LGSN: variants seen among roughly 807,000 people sequenced by gnomAD.
The protein encoded by LGSN is lengsin, lens protein with glutamine synthetase domain, also known as lengsin.
In LGSN, 21 loss-of-function variants were observed where a neutral mutation model predicts 19.5. That is an observed-to-expected ratio of 1.07 (90% CI 0.76 to 1.55). The LOEUF (loss-of-function observed/expected upper bound fraction) is 1.55. Ranked by LOEUF, LGSN falls within the 40% of genes most tolerant of loss-of-function variation. LGSN has a pLI of 0.00. For synonymous variants in LGSN, 257 were observed against 215.6 expected, an observed-to-expected ratio of 1.19 and a Z score of -1.68; for missense variants, 673 against 608.5, an observed-to-expected ratio of 1.11 and a Z score of -1.12.
the LGSN span, among the ~76,000 whole-genome samples, chr6:63,563,504 C>T: frequency 6.6e-6 from 1 of 152,234 alleles, no homozygotes; most frequent in Non-Finnish European, 1.5e-5. Flanking sequence ...CCTGACTTCA[C>T]TGTCTAAAGT....
chr6:63,569,838 C>T, the LGSN span, among the ~76,000 whole-genome samples: 1 of 152,152 alleles, frequency 6.6e-6, no homozygotes, highest in Non-Finnish European at 1.5e-5. Context: ...TAGAGACCCA[C>T]TTTAAATAAG....
the LGSN span, among the ~76,000 whole-genome samples, chr6:63,330,529 A>T: frequency 6.6e-6 from 1 of 152,188 alleles, no homozygotes; most frequent in Non-Finnish European, 1.5e-5. Flanking sequence ...TTCAGGTGAC[A>T]GGGGAATATA....
chr6:63,384,489 TTGTGTGTGTGTGTGTGTGTG>T, the LGSN span, among the ~76,000 whole-genome samples: 490 of 131,580 alleles, frequency 3.7e-3, no homozygotes, highest in Non-Finnish European at 5.8e-3. Flanking sequence ...AAATAACACC[TTGTGTGTGTGTGTGTGTGTG>T]TGTGTGTGTG....
chr6:63,288,270 T>TAAAA lies in LGSN; in HGVS notation c.164-2518_164-2517insTTTT, dbSNP rs143785548. On this transcript the variant is annotated intron_variant, in intron 2 of 3. Transcript: ENST00000370657. ...ATAAATAAATAAATAAATAAATAAA[T>TAAAA]AATAATAATATTCATTCACTCATCA... Among the ~76,000 whole-genome samples, 59 of 82,702 alleles carry TAAAA rather than the reference T, an allele frequency of 7.1e-4. No individual in the cohort carries two copies. In the South Asian group the frequency reaches 0.022, roughly 30 times the overall value. The allele number at this position is 82,702 out of a possible 152,430, so 54.3% of individuals were successfully genotyped here. A position where few individuals can be genotyped will look rare whatever the true frequency, so the allele number is the denominator to read the frequency against.
chr6:63,369,420 C>T, the LGSN span, among the ~76,000 whole-genome samples: 1 of 152,144 alleles, frequency 6.6e-6, no homozygotes, highest in African/African-American at 2.4e-5. Context: ...TAACGTCGTT[C>T]ATGTCAGGTT....
At chr6:63,387,152 GT>G in the LGSN span, among the ~76,000 whole-genome samples, 1 of 151,956 alleles carries the variant, frequency 6.6e-6, no homozygotes, top group African/African-American at 2.4e-5. Context: ...CAAAGGTAAA[GT>G]GCAAAGACTT....
chr6:63,287,460 G>C (rs1767585706), intron 2 of LGSN, among the ~76,000 whole-genome samples: 1 of 152,104 alleles, frequency 6.6e-6, no homozygotes, highest in African/African-American at 2.4e-5. Context: ...AGTGAGGTGG[G>C]CAGATCACTT....
chr6:63,399,129 G>A, the LGSN span, among the ~76,000 whole-genome samples: 6 of 151,566 alleles, frequency 4.0e-5, no homozygotes, highest in Non-Finnish European at 5.9e-5. Context: ...AATCTTTTAC[G>A]CCATATTTTT....
chr6:63,509,168 G>A, the LGSN span, among the ~76,000 whole-genome samples: 1 of 151,250 alleles, frequency 6.6e-6, no homozygotes, highest in African/African-American at 2.4e-5. Context: ...AGGTTCAAGC[G>A]ATTCTTGAGG....
At chr6:63,351,210 A>C in the LGSN span, among the ~76,000 whole-genome samples, 1 of 152,090 alleles carries the variant, frequency 6.6e-6, no homozygotes, top group Non-Finnish European at 1.5e-5. Flanking sequence ...CCAGACACCA[A>C]AGCTACCAGT....
At chr6:63,483,963 C>A in the LGSN span, among the ~76,000 whole-genome samples, 2 of 151,902 alleles carry the variant, frequency 1.3e-5, no homozygotes, top group South Asian at 2.1e-4. Flanking sequence ...CCATAACATG[C>A]AATCAACTAG....
the LGSN span, among the ~76,000 whole-genome samples, chr6:63,568,224 A>G: frequency 3.3e-5 from 5 of 152,214 alleles, no homozygotes; most frequent in African/African-American, 7.2e-5. Context: ...TTTTCGGCCT[A>G]TCTCTGCTTT....
At chr6:63,528,963 C>A in the LGSN span, among the ~76,000 whole-genome samples, 1 of 151,696 alleles carries the variant, frequency 6.6e-6, no homozygotes, top group African/African-American at 2.4e-5. Flanking sequence ...GTGGCACATG[C>A]CTGTAATCCC....
At chr6:63,511,449 T>C in the LGSN span, among the ~76,000 whole-genome samples, 1 of 151,966 alleles carries the variant, frequency 6.6e-6, no homozygotes. Flanking sequence ...AGAGACAGGG[T>C]TTCACCATGC....
At chr6:63,526,606 G>A in the LGSN span, among the ~76,000 whole-genome samples, 1 of 150,926 alleles carries the variant, frequency 6.6e-6, no homozygotes, top group African/African-American at 2.4e-5. Flanking sequence ...TAAGGAGATC[G>A]AGACCATCCT....
intron 1 of LGSN, among the ~76,000 whole-genome samples, chr6:63,316,700 G>A (rs1768878749): frequency 6.6e-6 from 1 of 151,732 alleles, no homozygotes. Context: ...TTGTGGGTGA[G>A]CAGAAAAGCA....
In LGSN at chr6:63,315,437, C is replaced by T. The variant is rs180707523; in HGVS notation, c.30+4477G>A. On this transcript the variant is annotated intron_variant, in intron 1 of 3. Transcript: ENST00000370657. ...GGGCTTGTGCTAGTGAAAGCCTGCT[C>T]TACAATGCCTCTGTAGCTTTACTCT... 3.9e-5 allele frequency among the ~76,000 whole-genome samples: 6 copies of T among 152,238 alleles called. No individual in the cohort carries two copies. The East Asian group carries it at 1.2e-3, about 29-fold the overall frequency.
At chr6:63,550,117 T>C in the LGSN span, among the ~76,000 whole-genome samples, 6 of 152,148 alleles carry the variant, frequency 3.9e-5, no homozygotes, top group Admixed American at 3.9e-4. Context: ...AACAGATAAA[T>C]TTTAAAAGAA....
chr6:63,481,101 T>C, the LGSN span, among the ~76,000 whole-genome samples: 3 of 151,628 alleles, frequency 2.0e-5, no homozygotes, highest in Non-Finnish European at 4.4e-5. Context: ...TTATTCTAAG[T>C]GAAGTAACTC....
Sources: gnomAD v4.1 joint callset for allele counts (sites outside exome capture counted in the v4.1 genomes callset) on GRCh38, gnomAD v4.1.1 for gene constraint, MANE v1.5 for transcripts, NCBI Gene and HGNC (gene_info 2026-07-23, HGNC 2026-07-21) for gene names.